The following SYT10 variants were observed in gnomAD, a reference collection of about 807,000 sequenced individuals.
SYT10 encodes the protein synaptotagmin-10.
A neutral mutation model predicts 51.1 loss-of-function variants in SYT10; 31 were observed. The observed-to-expected ratio is 0.61, with a 90% CI of 0.46 to 0.82. SYT10 has a LOEUF of 0.82. Among genes scored for constraint, SYT10 ranks in the 40% least tolerant of loss-of-function variants. The pLI is 0.00. For synonymous variants in SYT10, 233 were observed against 225.9 expected, an observed-to-expected ratio of 1.03 and a Z score of -0.28; for missense variants, 603 against 634.0, an observed-to-expected ratio of 0.95 and a Z score of 0.53.
chr12:33,422,550 C>G (rs1176819958), intron 2 of SYT10, among the ~76,000 whole-genome samples: 1 of 152,084 alleles, frequency 6.6e-6, no homozygotes, highest in East Asian at 1.9e-4. Context: ...CAAGGTTTCA[C>G]TATACTTCAA....
chr12:33,379,994 C>A, intron 5 of SYT10, 33 bp from the exon 6 acceptor site: 1 of 1,563,204 alleles, frequency 6.4e-7, no homozygotes, highest in South Asian at 1.2e-5. Flanking sequence ...TTTTCATTTC[C>A]AACATTCAAA....
chr12:33,418,663 C>T (rs1866475439), intron 2 of SYT10, among the ~76,000 whole-genome samples: 1 of 152,152 alleles, frequency 6.6e-6, no homozygotes, highest in Non-Finnish European at 1.5e-5. Context: ...CTTCTTATTT[C>T]ACTCACATGC....
At chr12:33,427,755 C>A (rs895498901) in intron 1 of SYT10, among the ~76,000 whole-genome samples, 1 of 152,002 alleles carries the variant, frequency 6.6e-6, no homozygotes, top group Non-Finnish European at 1.5e-5. Flanking sequence ...CAATAACAAG[C>A]CTTGTTTAAC....
In SYT10 at chr12:33,406,877, A is replaced by G; in HGVS notation, c.989T>C (p.Ile330Thr). The G allele has an allele frequency of 2.5e-6, 4 of 1,614,070 alleles. No homozygotes were observed. Among genetic ancestry groups the G allele is most frequent in the Non-Finnish European group, 3.4e-6 (4 of 1,180,010 alleles). ...DFDRFSRHDM[I>T]GEVILDNLFE... ...CAAATTATCAAGAATCACTTCCCCA[A>G]TCATGTCATGTCTAGAAAATCTGTC... Residue 330 changes from isoleucine to threonine, a missense_variant, in exon 3 of 7, where the codon ATT becomes ACT. By Grantham distance (89) the Ile-to-Thr change is moderately conservative. Coordinates refer to ENST00000228567, the MANE Select transcript of SYT10 (RefSeq NM_198992.4).
chr12:33,435,566 T>C (rs995179896), intron 1 of SYT10, among the ~76,000 whole-genome samples: 2 of 152,228 alleles, frequency 1.3e-5, no homozygotes, highest in African/African-American at 4.8e-5. Context: ...TATTCTTTTA[T>C]AGACCTACAA....
At chr12:33,418,990 G>T (rs1004649096) in intron 2 of SYT10, among the ~76,000 whole-genome samples, 9 of 151,960 alleles carry the variant, frequency 5.9e-5, no homozygotes, top group Admixed American at 3.9e-4. Flanking sequence ...TTTTCTCCTG[G>T]ATTTCTCTTG....
At chr12:33,423,398 T>C (rs1338790976) in intron 2 of SYT10, among the ~76,000 whole-genome samples, 4 of 152,008 alleles carry the variant, frequency 2.6e-5, no homozygotes, top group Non-Finnish European at 5.9e-5. Context: ...CAGTGAAAAG[T>C]TGGCATTTGA....
intron 2 of SYT10, among the ~76,000 whole-genome samples, chr12:33,413,292 A>G (rs1203782907): frequency 6.6e-6 from 1 of 152,228 alleles, no homozygotes; most frequent in Non-Finnish European, 1.5e-5. Flanking sequence ...TCCCCAATCT[A>G]GCAAGGCAGG....
At chr12:33,416,206 G>A (rs758490012) in intron 2 of SYT10, among the ~76,000 whole-genome samples, 2 of 152,032 alleles carry the variant, frequency 1.3e-5, no homozygotes, top group Admixed American at 6.6e-5. Context: ...TCAGCTTCCC[G>A]AGTAGCTGGG....
At chr12:33,385,104 A>G (rs1227470181) in intron 4 of SYT10, 67 bp downstream of exon 4, 3 of 1,563,444 alleles carry the variant, frequency 1.9e-6, no homozygotes, top group East Asian at 2.3e-5. Flanking sequence ...GTCATGTATC[A>G]TTTTTAGATA....
At chr12:33,433,926 A>G (rs531712178) in intron 1 of SYT10, among the ~76,000 whole-genome samples, 3 of 152,286 alleles carry the variant, frequency 2.0e-5, no homozygotes, top group Admixed American at 6.5e-5. Context: ...TTCTTAGCCT[A>G]TCTCCATCAC....
intron 2 of SYT10, among the ~76,000 whole-genome samples, chr12:33,420,473 C>A (rs1866492597): frequency 6.6e-6 from 1 of 151,030 alleles, no homozygotes; most frequent in Non-Finnish European, 1.5e-5. Flanking sequence ...ACTTTGAGAC[C>A]TCATCTCTAG....
intron 2 of SYT10, among the ~76,000 whole-genome samples, chr12:33,421,589 G>C (rs1866505560): frequency 6.6e-6 from 1 of 152,094 alleles, no homozygotes; most frequent in Non-Finnish European, 1.5e-5. Flanking sequence ...AAATGAAGTG[G>C]AGGATGATCA....
At chr12:33,413,286 C>A (rs1486383824) in intron 2 of SYT10, among the ~76,000 whole-genome samples, 1 of 152,108 alleles carries the variant, frequency 6.6e-6, no homozygotes, top group East Asian at 1.9e-4. Context: ...AGAACTTCCC[C>A]AATCTAGCAA....
At chr12:33,400,258 A>G (rs777090512) in intron 3 of SYT10, among the ~76,000 whole-genome samples, 40 of 152,210 alleles carry the variant, frequency 2.6e-4, no homozygotes, top group Non-Finnish European at 2.9e-4. Context: ...TTGATCCAGG[A>G]TGATTGGGGG....
rs1238068572 is a variant in SYT10 at position 33,376,732 on chromosome 12, A to T, written c.*98T>A. On this transcript the variant is annotated 3_prime_UTR_variant, in exon 7 of 7. Coordinates refer to ENST00000228567, the MANE Select transcript of SYT10 (RefSeq NM_198992.4). Reference sequence around the variant, plus strand: ...ACATCAAGTTTGTTCATTAGTACGGATATATTTCAAATGAGGAAACCAAAC... The same window carrying T: ...ACATCAAGTTTGTTCATTAGTACGGTTATATTTCAAATGAGGAAACCAAAC... The T allele has an allele frequency of 7.4e-7, 1 of 1,357,898 alleles. No individual in the cohort carries two copies. Among genetic ancestry groups the T allele is most frequent in the Non-Finnish European group, 1.0e-6 (1 of 961,732 alleles). The allele number at this position is 1,357,898 out of a possible 1,614,324, so 84.1% of individuals were successfully genotyped here.
At chr12:33,434,463 T>C (rs1327253854) in intron 1 of SYT10, among the ~76,000 whole-genome samples, 2 of 152,204 alleles carry the variant, frequency 1.3e-5, no homozygotes, top group African/African-American at 4.8e-5. Flanking sequence ...AATAATAAAG[T>C]TGAAGCTTCT....
rs147940649 is a variant in SYT10 at position 33,395,416 on chromosome 12, A to T, written c.1078-10125T>A. 8.1e-3 allele frequency among the ~76,000 whole-genome samples: 1,233 copies of T among 152,332 alleles called. 13 individuals carry two copies. Among genetic ancestry groups the T allele is most frequent in the African/African-American group, 0.028 (1,169 of 41,580 alleles). ...GCAAGGAAGAAATAGAACAACTTTTAACAGTATCTTTGGAACCTCACTAAA... is the reference window on the plus strand; with the variant it reads ...GCAAGGAAGAAATAGAACAACTTTTTACAGTATCTTTGGAACCTCACTAAA... On this transcript the variant is annotated intron_variant, in intron 3 of 6. Coordinates refer to ENST00000228567, the MANE Select transcript of SYT10 (RefSeq NM_198992.4).
intron 3 of SYT10, among the ~76,000 whole-genome samples, chr12:33,397,603 T>A (rs11052681): frequency 0.61 from 92,522 of 151,194 alleles, 29,435 homozygotes; most frequent in East Asian, 0.89. Context: ...AGAACAGCAC[T>A]CACTGAACCT....
Sources: allele counts gnomAD v4.1 joint callset (sites outside exome capture counted in the v4.1 genomes callset), GRCh38; gene constraint gnomAD v4.1.1; transcripts MANE v1.5; gene names NCBI Gene and HGNC (gene_info 2026-07-23, HGNC 2026-07-21).